The following SH3RF3 variants were observed in gnomAD, a reference collection of about 807,000 sequenced individuals.
The protein encoded by SH3RF3 is SH3 domain containing ring finger 3, also known as E3 ubiquitin-protein ligase SH3RF3.
A neutral mutation model predicts 66.3 loss-of-function variants in SH3RF3; 29 were observed. The ratio of observed to expected loss-of-function variants is 0.44; its 90% CI spans 0.33 to 0.60. The LOEUF (loss-of-function observed/expected upper bound fraction) is 0.60. SH3RF3 is among the 20% of genes least tolerant of loss of function. The probability of loss-of-function intolerance (pLI) is 0.04; values close to 1 mark genes in which losing one functional copy is unlikely to be tolerated. For synonymous variants in SH3RF3, 583 were observed against 532.0 expected, an observed-to-expected ratio of 1.10 and a Z score of -1.32; for missense variants, 1,194 against 1,190.9, an observed-to-expected ratio of 1.00 and a Z score of -0.04.
rs1348830806 is a variant in SH3RF3 at position 109,301,045 on chromosome 2, A to G, written c.574-46629A>G. 4.6e-5 allele frequency among the ~76,000 whole-genome samples: 7 copies of G among 152,246 alleles called. No individual in the cohort carries two copies. In the East Asian group the frequency reaches 1.3e-3, roughly 29 times the overall value. ...TCTCACTTGAAAGTTGGGAGACTTC[A>G]ATACAGTTGTGTATGAAGTGCCCAG... On this transcript the variant is annotated intron_variant, in intron 1 of 9. Coordinates refer to ENST00000309415, the MANE Select transcript of SH3RF3 (RefSeq NM_001099289.3).
intron 1 of SH3RF3, among the ~76,000 whole-genome samples, chr2:109,218,710 G>T (rs548676554): frequency 6.6e-6 from 1 of 152,290 alleles, no homozygotes; most frequent in African/African-American, 2.4e-5. Flanking sequence ...TTTCATCATG[G>T]CTGGACTTTG....
chr2:109,364,713 C>A (rs565112749), intron 2 of SH3RF3, among the ~76,000 whole-genome samples: 1 of 152,310 alleles, frequency 6.6e-6, no homozygotes, highest in East Asian at 1.9e-4. Flanking sequence ...CAGTTTCCCC[C>A]ACTCCTCTGT....
At chr2:109,452,276 T>C (rs531461182) in intron 8 of SH3RF3, among the ~76,000 whole-genome samples, 119 of 152,284 alleles carry the variant, frequency 7.8e-4, no homozygotes, top group African/African-American at 2.8e-3. Context: ...GCAGGCCGCT[T>C]CCTGAGCCCC....
intron 1 of SH3RF3, among the ~76,000 whole-genome samples, chr2:109,342,636 G>T (rs372163374): frequency 2.0e-5 from 3 of 152,194 alleles, no homozygotes; most frequent in Non-Finnish European, 4.4e-5. Flanking sequence ...GCTGCAGGCC[G>T]ACTCTGGCAC....
rs186288371 is a variant in SH3RF3, at chr2:109,217,958, T to G, written c.573+87845T>G. ...CAGCCAGGACCTTTCCCTCGAGGGC[T>G]CTGCCTTGCTCCTGCCGGTTGCCTT... is the stretch of plus-strand genomic sequence containing the variant. On this transcript the variant is annotated intron_variant, in intron 1 of 9. Coordinates refer to ENST00000309415, the MANE Select transcript of SH3RF3 (RefSeq NM_001099289.3). 4.0e-3 allele frequency among the ~76,000 whole-genome samples: 614 copies of G among 152,298 alleles called. 3 individuals are homozygous for G. Among genetic ancestry groups the G allele is most frequent in the Non-Finnish European group, 5.8e-3 (394 of 68,016 alleles).
At chr2:109,325,809 G>C (rs1682140698) in intron 1 of SH3RF3, among the ~76,000 whole-genome samples, 2 of 152,188 alleles carry the variant, frequency 1.3e-5, no homozygotes, top group Non-Finnish European at 1.5e-5. Context: ...TATTACTGCA[G>C]GGCAAAGATG....
intron 1 of SH3RF3, among the ~76,000 whole-genome samples, chr2:109,156,489 A>G (rs1226179157): frequency 6.6e-6 from 1 of 151,526 alleles, no homozygotes; most frequent in African/African-American, 2.4e-5. Flanking sequence ...CTTGTTGTCC[A>G]GGCTGGAGTG....
At chr2:109,315,656 C>T (rs1024138635) in intron 1 of SH3RF3, among the ~76,000 whole-genome samples, 1 of 152,208 alleles carries the variant, frequency 6.6e-6, no homozygotes, top group Admixed American at 6.5e-5. Context: ...TGCAGGCTTT[C>T]CTGGCAGTCT....
At chr2:109,170,066 G>A (rs1677724433) in intron 1 of SH3RF3, among the ~76,000 whole-genome samples, 1 of 152,030 alleles carries the variant, frequency 6.6e-6, no homozygotes, top group Admixed American at 6.6e-5. Flanking sequence ...TGGCATTTTG[G>A]CCAAAACACT....
At chr2:109,235,244 T>A (rs190872205) in intron 1 of SH3RF3, among the ~76,000 whole-genome samples, 173 of 152,310 alleles carry the variant, frequency 1.1e-3, no homozygotes, top group African/African-American at 4.1e-3. Flanking sequence ...CAACCCTGAA[T>A]AGTTCTGGGA....
intron 1 of SH3RF3, among the ~76,000 whole-genome samples, chr2:109,229,181 C>T (rs1001288508): frequency 6.6e-6 from 1 of 152,156 alleles, no homozygotes; most frequent in Non-Finnish European, 1.5e-5. Flanking sequence ...GAACCAGGGA[C>T]AAAGACCAAA....
intron 1 of SH3RF3, among the ~76,000 whole-genome samples, chr2:109,291,082 T>C (rs560914626): frequency 6.6e-6 from 1 of 152,278 alleles, no homozygotes; most frequent in African/African-American, 2.4e-5. Flanking sequence ...CATAGCTTCC[T>C]TGACCCCAAA....
chr2:109,169,247 A>C (rs983573325), intron 1 of SH3RF3, among the ~76,000 whole-genome samples: 1 of 152,218 alleles, frequency 6.6e-6, no homozygotes, highest in Admixed American at 6.5e-5. Flanking sequence ...AAGCATTTAA[A>C]ATCATTTGGA....
At position 109,157,964 on chromosome 2, in the gene SH3RF3, G is replaced by C. The variant is rs574206081; in HGVS notation, c.573+27851G>C. ...AAATCCACTGTTTAGTGACGAGGGAGTACTTGCCTTACTAGTAAGTAACCC... is the reference window on the plus strand; with the variant it reads ...AAATCCACTGTTTAGTGACGAGGGACTACTTGCCTTACTAGTAAGTAACCC... On this transcript the variant is annotated intron_variant, in intron 1 of 9. Coordinates refer to ENST00000309415, the MANE Select transcript of SH3RF3 (RefSeq NM_001099289.3). 4.6e-5 allele frequency among the ~76,000 whole-genome samples: 7 copies of C among 152,288 alleles called. No individual in the cohort carries two copies. The East Asian group carries it at 9.6e-4, about 21-fold the overall frequency.
intron 1 of SH3RF3, among the ~76,000 whole-genome samples, chr2:109,202,422 A>G (rs1225279712): frequency 6.6e-6 from 1 of 152,176 alleles, no homozygotes; most frequent in Non-Finnish European, 1.5e-5. Context: ...TGTACTTTTT[A>G]GTACAATTAC....
At chr2:109,422,646 C>T (rs890586977) in intron 5 of SH3RF3, among the ~76,000 whole-genome samples, 2 of 152,136 alleles carry the variant, frequency 1.3e-5, no homozygotes, top group Non-Finnish European at 2.9e-5. Flanking sequence ...TCTGGCAGAC[C>T]TGCTGTGATT....
intron 1 of SH3RF3, among the ~76,000 whole-genome samples, chr2:109,288,623 G>A (rs1681093328): frequency 6.6e-6 from 1 of 152,176 alleles, no homozygotes; most frequent in Non-Finnish European, 1.5e-5. Context: ...TTTTTGCAAG[G>A]CAAGTCATTG....
intron 2 of SH3RF3, among the ~76,000 whole-genome samples, chr2:109,370,210 T>TCTCTGC (rs1298516059): frequency 4.0e-5 from 6 of 149,320 alleles, no homozygotes; most frequent in Non-Finnish European, 7.4e-5. Flanking sequence ...TCTGTCTCTG[T>TCTCTGC]CTCTGTCTCT....
chr2:109,272,644 G>A (rs1680653019), intron 1 of SH3RF3, among the ~76,000 whole-genome samples: 1 of 152,250 alleles, frequency 6.6e-6, no homozygotes, highest in African/African-American at 2.4e-5. Flanking sequence ...AGACACAGCT[G>A]CCAACGGTCC....
Sources: gnomAD v4.1 joint callset for allele counts (sites outside exome capture counted in the v4.1 genomes callset) on GRCh38, gnomAD v4.1.1 for gene constraint, MANE v1.5 for transcripts, NCBI Gene and HGNC (gene_info 2026-07-23, HGNC 2026-07-21) for gene names.